NFE2L2: variants seen among roughly 807,000 people sequenced by gnomAD.
The protein encoded by NFE2L2 is NFE2 like bZIP transcription factor 2.
A neutral mutation model predicts 49.6 loss-of-function variants in NFE2L2; 20 were observed. That is an observed-to-expected ratio of 0.40 (90% CI 0.28 to 0.59). The LOEUF is 0.59. NFE2L2 is among the 20% of genes least tolerant of loss of function. The pLI, the probability that NFE2L2 is intolerant of heterozygous loss-of-function variation, is 0.40. For synonymous variants in NFE2L2, 244 were observed against 256.5 expected (o/e 0.95, Z 0.47); for missense variants, 578 against 714.2 (o/e 0.81, Z 2.17).
intron 1 of NFE2L2, among the ~76,000 whole-genome samples, chr2:177,239,128 T>A (rs1228739809): frequency 2.0e-5 from 3 of 152,168 alleles, no homozygotes; most frequent in African/African-American, 7.2e-5. Flanking sequence ...TGAATCCTTA[T>A]CAACAAACAG....
At chr2:177,246,692 T>C (rs1690144151) in intron 1 of NFE2L2, among the ~76,000 whole-genome samples, 1 of 151,260 alleles carries the variant, frequency 6.6e-6, no homozygotes, top group African/African-American at 2.4e-5. Flanking sequence ...CTCAACCTCC[T>C]GGGCTCAAGC....
intron 1 of NFE2L2, among the ~76,000 whole-genome samples, chr2:177,243,522 A>G (rs1690011081): frequency 1.3e-5 from 2 of 150,600 alleles, no homozygotes; most frequent in South Asian, 2.1e-4. Context: ...TCCTTTTCAG[A>G]TTTTTTTTTT....
intron 1 of NFE2L2, among the ~76,000 whole-genome samples, chr2:177,253,359 T>C (rs912304661): frequency 6.6e-6 from 1 of 152,152 alleles, no homozygotes; most frequent in African/African-American, 2.4e-5. Flanking sequence ...GCACCAGGCA[T>C]GGCGCTAGAC....
intron 2 of NFE2L2, 116 bp from the exon 3 acceptor site, chr2:177,233,455 T>A: frequency 1.2e-6 from 1 of 814,028 alleles, no homozygotes; most frequent in South Asian, 1.8e-5. Context: ...AGTAAATATT[T>A]ATCTTATTTC....
chr2:177,232,641 C>G, intron 3 of NFE2L2, 58 bp from the exon 4 acceptor site: 3 of 1,548,102 alleles, frequency 1.9e-6, no homozygotes, highest in South Asian at 1.2e-5. Context: ...TGAGTAAGCT[C>G]TAAGGCACCA....
intron 1 of NFE2L2, among the ~76,000 whole-genome samples, chr2:177,238,853 G>A (rs1203497535): frequency 1.3e-5 from 2 of 152,214 alleles, no homozygotes; most frequent in Non-Finnish European, 2.9e-5. Flanking sequence ...AAATAATAAA[G>A]CAAATTAATA....
intron 1 of NFE2L2, among the ~76,000 whole-genome samples, chr2:177,259,321 G>T (rs1690643670): frequency 6.6e-6 from 1 of 151,762 alleles, no homozygotes; most frequent in African/African-American, 2.4e-5. Context: ...AGACGAACTT[G>T]GTGCTGTAAG....
At chr2:177,237,542 G>T (rs1396770963) in intron 1 of NFE2L2, among the ~76,000 whole-genome samples, 1 of 151,572 alleles carries the variant, frequency 6.6e-6, no homozygotes, top group Non-Finnish European at 1.5e-5. Flanking sequence ...TTTTTGAGAC[G>T]GAGTCTCGCT....
Position 177,244,625 on chromosome 2 carries a change from C to T in NFE2L2, c.46-10354G>A, listed in dbSNP as rs147158417. 2.4e-3 allele frequency among the ~76,000 whole-genome samples: 365 copies of T among 152,254 alleles called. 5 individuals are homozygous for T. The highest frequency in any genetic ancestry group is 6.0e-4 in the Non-Finnish European group (41 of 68,020). On this transcript the variant is annotated intron_variant, in intron 1 of 4. Coordinates refer to ENST00000397062, the MANE Select transcript of NFE2L2 (RefSeq NM_006164.5). ...ACTGTGTGAATATCCTTCCAATAAA[C>T]AAGGGTTAAATCTATTTTCCAAAGG...
intron 1 of NFE2L2, among the ~76,000 whole-genome samples, chr2:177,238,923 G>A (rs1350873002): frequency 1.3e-5 from 2 of 152,148 alleles, no homozygotes; most frequent in Non-Finnish European, 2.9e-5. Context: ...CTGTTGGTGG[G>A]GGTAATGGTG....
intron 1 of NFE2L2, chr2:177,263,726 C>T (rs1225612166): frequency 2.0e-6 from 2 of 985,484 alleles, no homozygotes; most frequent in South Asian, 4.7e-5. Flanking sequence ...ACTGCCCTCG[C>T]CCGCACTTTC....
At chr2:177,255,951 T>C (rs1336361870) in intron 1 of NFE2L2, 1 of 154,290 alleles carries the variant, frequency 6.5e-6, no homozygotes, top group Admixed American at 6.5e-5. Flanking sequence ...AGTTTTCCTA[T>C]TGCAAGTAAA....
intron 1 of NFE2L2, chr2:177,264,231 C>T (rs1322459196): frequency 1.2e-5 from 4 of 337,642 alleles, no homozygotes; most frequent in Admixed American, 5.0e-5. Flanking sequence ...CTCTCGGGCC[C>T]GGGGACGCGG....
intron 1 of NFE2L2, chr2:177,255,978 A>G (rs1381402774): frequency 6.5e-6 from 1 of 154,660 alleles, no homozygotes; most frequent in Non-Finnish European, 1.5e-5. Flanking sequence ...TCATTTTTTA[A>G]GGAAAATGAG....
rs760095056 is a variant in NFE2L2, at chr2:177,230,899, T to A, written c.1704A>T (p.Leu568=). The A allele has an allele frequency of 8.7e-6, 14 of 1,614,116 alleles. No individual in the cohort carries two copies. Among genetic ancestry groups the A allele is most frequent in the Non-Finnish European group, 1.2e-5 (14 of 1,180,008 alleles). Residue 568 remains leucine, a synonymous_variant, in exon 5 of 5, where the codon CTA becomes CTT. Coordinates refer to ENST00000397062, the MANE Select transcript of NFE2L2 (RefSeq NM_006164.5). ...AATAAGGTTTTCCATCTTCATCACG[T>A]AGCATGCTGAAAACTTCGAGATATA... ...STLYLEVFSM[L]RDEDGKPYSP... is the part of the protein sequence containing the mutation.
In NFE2L2 at chr2:177,231,718, G is replaced by C; in HGVS notation, c.885C>G (p.Ile295Met). 6.2e-7 allele frequency: 1 copy of C among 1,614,216 alleles called. No homozygotes were observed. Among genetic ancestry groups the C allele is most frequent in the Non-Finnish European group, 8.5e-7 (1 of 1,180,034 alleles). The change falls in exon 5 of 5, where the codon ATC becomes ATG. Residue 295 changes from isoleucine (I) to methionine (M), a missense_variant. Coordinates refer to ENST00000397062, the MANE Select transcript of NFE2L2 (RefSeq NM_006164.5). ...FYSAFIAEPS[I>M]SNSMPSPATL... Reference sequence around the variant, plus strand: ...TAGCAGGTGAGGGCATGCTGTTGCTGATACTGGGCTCAGCTATGAAAGCAG... The same window carrying C: ...TAGCAGGTGAGGGCATGCTGTTGCTCATACTGGGCTCAGCTATGAAAGCAG...
At chr2:177,241,180 T>C (rs1209691355) in intron 1 of NFE2L2, among the ~76,000 whole-genome samples, 6 of 152,238 alleles carry the variant, frequency 3.9e-5, no homozygotes, top group Non-Finnish European at 8.8e-5. Flanking sequence ...CTTTTTACTT[T>C]CATGTAGTAT....
In NFE2L2 at chr2:177,230,713, C is replaced by T. The variant is rs1689510057; in HGVS notation, c.*72G>A. Reference sequence around the variant, plus strand: ...AATTACTTATAAAGTATGAGCATTTCACATCACAGTAGGAGCTTTTAGTAT... The same window carrying T: ...AATTACTTATAAAGTATGAGCATTTTACATCACAGTAGGAGCTTTTAGTAT... On this transcript the variant is annotated 3_prime_UTR_variant, in exon 5 of 5. Coordinates refer to ENST00000397062, the MANE Select transcript of NFE2L2 (RefSeq NM_006164.5). The T allele has an allele frequency of 6.8e-7, 1 of 1,465,756 alleles. No individual in the cohort carries two copies. Among genetic ancestry groups the T allele is most frequent in the African/African-American group, 1.4e-5 (1 of 70,054 alleles). The allele number at this position is 1,465,756 out of a possible 1,614,324, so 90.8% of individuals were successfully genotyped here. A position where few individuals can be genotyped will look rare whatever the true frequency, so the allele number is the denominator to read the frequency against.
At chr2:177,254,163 T>G (rs1690435962) in intron 1 of NFE2L2, among the ~76,000 whole-genome samples, 1 of 152,226 alleles carries the variant, frequency 6.6e-6, no homozygotes, top group South Asian at 2.1e-4. Context: ...ACCAATTCCT[T>G]GCAGCTGTAG....
Sources: allele counts gnomAD v4.1 joint callset (sites outside exome capture counted in the v4.1 genomes callset), GRCh38; gene constraint gnomAD v4.1.1; transcripts MANE v1.5; gene names NCBI Gene and HGNC (gene_info 2026-07-23, HGNC 2026-07-21).